GGTA1: variants seen among roughly 807,000 people sequenced by gnomAD.
GGTA1 encodes the protein glycoprotein alpha-galactosyltransferase 1 (inactive).
In GGTA1, 5 loss-of-function variants were observed where a neutral mutation model predicts 2.6. The observed-to-expected ratio is 1.92, with a 90% confidence interval of 1.00 to 4.04. GGTA1 has a LOEUF of 4.04. Among genes scored for constraint, GGTA1 ranks in the 30% most tolerant of loss-of-function variants. The pLI is 0.00. For synonymous variants in GGTA1, 17 were observed against 5.0 expected, an observed-to-expected ratio of 3.38 and a Z score of -3.19; for missense variants, 50 against 16.7, an observed-to-expected ratio of 2.99 and a Z score of -3.47.
At chr9:121,482,192 G>A (rs1828668012) in intron 1 of GGTA1, among the ~76,000 whole-genome samples, 1 of 151,952 alleles carries the variant, frequency 6.6e-6, no homozygotes, top group African/African-American at 2.4e-5. Context: ...AGGAGGCCAG[G>A]CACAGTGGCT....
rs1156647589 is a variant in GGTA1 at position 121,459,298 on chromosome 9, G to T, written c.298+806C>A. Among the ~76,000 whole-genome samples, 3 of 152,022 alleles carry T rather than the reference G, an allele frequency of 2.0e-5. No individual in the cohort carries two copies. In the East Asian group the frequency reaches 5.8e-4, roughly 29 times the overall value. On this transcript the variant is annotated intron_variant, in intron 5 of 5. Coordinates refer to ENST00000481799, the MANE Select transcript of GGTA1 (RefSeq NM_001382585.1). ...ATAGTAAGACCCTGTCTCTACAAAA[G>T]AATTAAAAATTAGCTGGCCGTGGTG...
intron 3 of GGTA1, among the ~76,000 whole-genome samples, chr9:121,462,117 C>T (rs937178020): frequency 4.6e-5 from 7 of 152,234 alleles, no homozygotes; most frequent in Admixed American, 2.0e-4. Flanking sequence ...TGAGGTCAGG[C>T]GTTCAAGACC....
intron 1 of GGTA1, among the ~76,000 whole-genome samples, chr9:121,478,806 T>C (rs1828572550): frequency 6.6e-6 from 1 of 152,194 alleles, no homozygotes. Context: ...ATCTAAAGGC[T>C]GAATCCAGCC....
chr9:121,481,823 C>T (rs551399203), intron 1 of GGTA1, among the ~76,000 whole-genome samples: 4 of 150,258 alleles, frequency 2.7e-5, no homozygotes, highest in African/African-American at 9.8e-5. Context: ...ATGGAGAAAC[C>T]CCGTCTCTAC....
At chr9:121,491,376 C>G (rs1445269610) in intron 1 of GGTA1, among the ~76,000 whole-genome samples, 1 of 152,184 alleles carries the variant, frequency 6.6e-6, no homozygotes, top group Non-Finnish European at 1.5e-5. Context: ...CTCTGTGCCC[C>G]TCCAGCCACC....
chr9:121,486,159 G>A (rs1238115697), intron 1 of GGTA1, among the ~76,000 whole-genome samples: 4 of 152,194 alleles, frequency 2.6e-5, no homozygotes, highest in Non-Finnish European at 5.9e-5. Context: ...CTCACAAACA[G>A]GAAATGTGAC....
chr9:121,448,680 A>G (rs1245707566), intron 7 of GGTA1, among the ~76,000 whole-genome samples: 1 of 152,216 alleles, frequency 6.6e-6, no homozygotes, highest in African/African-American at 2.4e-5. Flanking sequence ...TTTTATGTTC[A>G]CAGAAAAATT....
chr9:121,493,177 C>G (rs1365938211), intron 1 of GGTA1, among the ~76,000 whole-genome samples: 1 of 151,984 alleles, frequency 6.6e-6, no homozygotes, highest in Non-Finnish European at 1.5e-5. Flanking sequence ...CAGGATCTGG[C>G]CTCTCTCTGC....
intron 1 of GGTA1, among the ~76,000 whole-genome samples, chr9:121,496,757 A>AG (rs369405989): frequency 1.5e-4 from 17 of 112,012 alleles, no homozygotes; most frequent in East Asian, 4.2e-4. Flanking sequence ...AAAAAAAAAA[A>AG]AGAGAGAGAG....
chr9:121,477,867 C>T (rs1828548963), intron 1 of GGTA1, among the ~76,000 whole-genome samples: 1 of 152,124 alleles, frequency 6.6e-6, no homozygotes, highest in Non-Finnish European at 1.5e-5. Context: ...GCATGAACCA[C>T]CACGGCCAGC....
intron 1 of GGTA1, among the ~76,000 whole-genome samples, chr9:121,491,444 C>G (rs559433732): frequency 4.6e-5 from 7 of 152,258 alleles, no homozygotes; most frequent in African/African-American, 7.2e-5. Flanking sequence ...ATTCTCCTTG[C>G]TTCTTCCCTC....
intron 1 of GGTA1, among the ~76,000 whole-genome samples, chr9:121,493,049 G>A (rs970400046): frequency 5.3e-5 from 8 of 151,620 alleles, no homozygotes; most frequent in Non-Finnish European, 1.2e-4. Context: ...TAGGAGAATC[G>A]CTTGAACCTG....
At chr9:121,498,791 C>T (rs1274406020) in intron 1 of GGTA1, among the ~76,000 whole-genome samples, 1 of 152,178 alleles carries the variant, frequency 6.6e-6, no homozygotes, top group African/African-American at 2.4e-5. Context: ...CTCCGCGCCT[C>T]CCAGTCCCTC....
At chr9:121,486,808 G>A (rs1828764806) in intron 1 of GGTA1, among the ~76,000 whole-genome samples, 1 of 152,198 alleles carries the variant, frequency 6.6e-6, no homozygotes, top group Non-Finnish European at 1.5e-5. Flanking sequence ...TCCAGCATGA[G>A]TAAAAACAAA....
At chr9:121,474,693 A>G (rs969509936) in intron 1 of GGTA1, among the ~76,000 whole-genome samples, 3 of 152,178 alleles carry the variant, frequency 2.0e-5, no homozygotes, top group African/African-American at 7.2e-5. Flanking sequence ...AGCAGATCCT[A>G]TCTTCTCCAT....
intron 1 of GGTA1, among the ~76,000 whole-genome samples, chr9:121,470,629 T>A (rs765006848): frequency 2.0e-5 from 3 of 152,236 alleles, no homozygotes; most frequent in African/African-American, 4.8e-5. Flanking sequence ...GTGAAAGACA[T>A]CAGACCTAAC....
intron 1 of GGTA1, among the ~76,000 whole-genome samples, chr9:121,497,081 T>A (rs1296652489): frequency 6.6e-6 from 1 of 151,904 alleles, no homozygotes; most frequent in African/African-American, 2.4e-5. Context: ...TAATCCTAGC[T>A]ACTTGGGAGG....
chr9:121,458,992 T>C (rs1188017515), intron 5 of GGTA1, among the ~76,000 whole-genome samples: 2 of 152,182 alleles, frequency 1.3e-5, no homozygotes, highest in African/African-American at 4.8e-5. Context: ...CTATGAGTGG[T>C]TTAGCATTTC....
At chr9:121,473,553 C>G (rs1019323821) in intron 1 of GGTA1, among the ~76,000 whole-genome samples, 5 of 152,152 alleles carry the variant, frequency 3.3e-5, no homozygotes, top group Middle Eastern at 3.4e-3. Flanking sequence ...AAAGTTCTTC[C>G]CTTGTGTGTT....
Sources: allele counts gnomAD v4.1 joint callset (sites outside exome capture counted in the v4.1 genomes callset), GRCh38; gene constraint gnomAD v4.1.1; transcripts MANE v1.5; gene names NCBI Gene and HGNC (gene_info 2026-07-23, HGNC 2026-07-21).